The following CSRP1 variants were observed in gnomAD, a reference collection of about 807,000 sequenced individuals.
CSRP1 encodes cysteine and glycine rich protein 1.
Under a neutral mutation model 25.4 loss-of-function variants are expected in CSRP1, and 16 were observed. The observed-to-expected ratio is 0.63, with a 90% CI of 0.43 to 0.96. The LOEUF is 0.96. Ranked by LOEUF, CSRP1 falls within the 40% of genes least tolerant of loss-of-function variation. CSRP1 has a pLI of 0.00. For missense variants in CSRP1, 212 were observed against 243.6 expected, an observed-to-expected ratio of 0.87 and a Z score of 0.86; for synonymous variants, 97 against 95.3, an observed-to-expected ratio of 1.02 and a Z score of -0.10.
At chr1:201,493,668 G>A (rs187487732) in intron 2 of CSRP1, among the ~76,000 whole-genome samples, 21 of 152,322 alleles carry the variant, frequency 1.4e-4, no homozygotes, top group Admixed American at 3.9e-4. Flanking sequence ...AGTAGAATCT[G>A]GAGCCAAGAA....
At chr1:201,502,974 AAT>A (rs1429094151) in intron 1 of CSRP1, among the ~76,000 whole-genome samples, 1 of 80,656 alleles carries the variant, frequency 1.2e-5, no homozygotes, top group Non-Finnish European at 3.1e-5. Flanking sequence ...ATCTCTACTA[AAT>A]ATACAAAAAA....
intron 2 of CSRP1, chr1:201,492,981 C>T (rs1353254685): frequency 1.3e-5 from 2 of 152,390 alleles, no homozygotes; most frequent in Non-Finnish European, 2.9e-5. Flanking sequence ...CCTGTGGGGC[C>T]CTGTTCCATC....
chr1:201,488,660 T>G (rs945688138), intron 4 of CSRP1, 195 bp downstream of exon 4: 18 of 519,514 alleles, frequency 3.5e-5, no homozygotes, highest in African/African-American at 3.5e-4. Context: ...GGGATGTTAC[T>G]GCTCATGGCT....
intron 1 of CSRP1, among the ~76,000 whole-genome samples, chr1:201,499,137 G>A (rs1664592660): frequency 6.6e-6 from 1 of 152,188 alleles, no homozygotes. Context: ...TCTGTACTGA[G>A]GACTGCTAGC....
In CSRP1 at chr1:201,485,303, T is replaced by G; in HGVS notation, c.485A>C (p.Asp162Ala). ...GLESTTLADK[D>A]GEIYCKGCYA... ...CCCACCTTTGCAGTAAATCTCGCCA[T>G]CCTTGTCTGCCAGGGTGGTTGACTC... Residue 162 changes from aspartate to alanine, a missense_variant, in exon 5 of 6, where the codon GAT (aspartate) becomes GCT (alanine). Coordinates refer to ENST00000340006, the MANE Select transcript of CSRP1 (RefSeq NM_004078.3). The G allele has an allele frequency of 6.2e-7, 1 of 1,614,180 alleles. No homozygotes were observed. The highest frequency in any genetic ancestry group is 8.5e-7 in the Non-Finnish European group (1 of 1,180,008).
chr1:201,484,464 C>T lies in CSRP1; in HGVS notation c.*249G>A, dbSNP rs1664068174. On this transcript the variant is annotated 3_prime_UTR_variant, in exon 6 of 6. Transcript: ENST00000340006. ...AGGTGTGGGGAGAGGGGCCTGCTCT[C>T]ACCTAGACCCAAAACACTGAGGTCT... The T allele has an allele frequency of 3.5e-6, 2 of 572,352 alleles. No individual in the cohort carries two copies. The highest frequency in any genetic ancestry group is 6.2e-6 in the Non-Finnish European group (2 of 320,810). 35.5% of individuals were successfully genotyped at this position (572,352 alleles called of 1,614,324 possible).
At chr1:201,489,203 C>T (rs1234810754) in intron 3 of CSRP1, 7 of 464,762 alleles carry the variant, frequency 1.5e-5, no homozygotes, top group African/African-American at 3.9e-5. Context: ...ATCATACTTC[C>T]CTCGGTCACC....
At chr1:201,500,195 C>A (rs553239081) in intron 1 of CSRP1, among the ~76,000 whole-genome samples, 1 of 152,222 alleles carries the variant, frequency 6.6e-6, no homozygotes, top group Non-Finnish European at 1.5e-5. Flanking sequence ...CCTTTTCCAA[C>A]CCCCTGAACC....
intron 3 of CSRP1, 157 bp downstream of exon 3, chr1:201,490,018 GC>G: frequency 1.5e-6 from 1 of 682,922 alleles, no homozygotes. Context: ...TCCTGCAGCA[GC>G]CTGACACATA....
intron 4 of CSRP1, chr1:201,488,366 T>G (rs1311490614): frequency 6.5e-6 from 1 of 152,718 alleles, no homozygotes; most frequent in African/African-American, 2.4e-5. Flanking sequence ...GTCTGAACCT[T>G]GAAAATCTCT....
chr1:201,498,282 T>C (rs1479494531), intron 1 of CSRP1, among the ~76,000 whole-genome samples: 1 of 152,186 alleles, frequency 6.6e-6, no homozygotes, highest in Non-Finnish European at 1.5e-5. Context: ...TTCCAGCTCT[T>C]TCAACAGAAG....
At chr1:201,500,426 C>T (rs533576558) in intron 1 of CSRP1, among the ~76,000 whole-genome samples, 13 of 152,362 alleles carry the variant, frequency 8.5e-5, no homozygotes, top group African/African-American at 2.6e-4. Flanking sequence ...AGAACATGGG[C>T]GGAGAAATGG....
At chr1:201,496,118 A>T (rs1557974756) in intron 2 of CSRP1, 74 bp downstream of exon 2, 1 of 1,157,582 alleles carries the variant, frequency 8.6e-7, no homozygotes, top group Non-Finnish European at 1.3e-6. Context: ...TGGGGTGTTG[A>T]CAGGCCCAGC....
At chr1:201,492,653 T>A (rs1033721923) in intron 2 of CSRP1, 1 of 151,606 alleles carries the variant, frequency 6.6e-6, no homozygotes, top group African/African-American at 2.4e-5. Flanking sequence ...AGGGGAGAGG[T>A]CAGAGCCCCC....
intron 2 of CSRP1, 82 bp downstream of exon 2, chr1:201,496,110 G>T: frequency 9.9e-7 from 1 of 1,007,668 alleles, no homozygotes; most frequent in Non-Finnish European, 1.6e-6. Context: ...CAGTTCCCTG[G>T]GGTGTTGACA....
chr1:201,489,020 ACT>A, intron 3 of CSRP1, 36 bp from the exon 4 acceptor site: 5 of 1,611,126 alleles, frequency 3.1e-6, no homozygotes, highest in Non-Finnish European at 4.2e-6. Flanking sequence ...GGTGACTTAC[ACT>A]GTAAGTACAG....
At chr1:201,486,312 G>T in intron 4 of CSRP1, 1 of 979,570 alleles carries the variant, frequency 1.0e-6, no homozygotes, top group Non-Finnish European at 1.2e-6. Context: ...CAACAGCTGG[G>T]CAGGCTAAGA....
At chr1:201,485,558 A>G in intron 4 of CSRP1, 182 bp from the exon 5 acceptor site, 1 of 591,020 alleles carries the variant, frequency 1.7e-6, no homozygotes, top group Non-Finnish European at 3.0e-6. Flanking sequence ...AAGGCCAGGG[A>G]CCACACGCCA....
In CSRP1 at chr1:201,483,975, G is replaced by A. The variant is rs905627479; in HGVS notation, c.*738C>T. On this transcript the variant is annotated 3_prime_UTR_variant, in exon 6 of 6. Coordinates refer to ENST00000340006, the MANE Select transcript of CSRP1 (RefSeq NM_004078.3). ...GAGCCATTGATAAATGCCAATATATGTTTCAGGTATTTCATTAGGATCCTC... is the reference window on the plus strand; with the variant it reads ...GAGCCATTGATAAATGCCAATATATATTTCAGGTATTTCATTAGGATCCTC... 2 of 691,986 alleles carry A rather than the reference G, an allele frequency of 2.9e-6. No homozygotes were observed. The highest frequency in any genetic ancestry group is 4.6e-4 in the Middle Eastern group (2 of 4,348). The allele number at this position is 691,986 out of a possible 1,614,324, so 42.9% of individuals were successfully genotyped here. A position where few individuals can be genotyped will look rare whatever the true frequency, so the allele number is the denominator to read the frequency against.
Sources: gnomAD v4.1 joint callset for allele counts (sites outside exome capture counted in the v4.1 genomes callset) on GRCh38, gnomAD v4.1.1 for gene constraint, MANE v1.5 for transcripts, NCBI Gene and HGNC (gene_info 2026-07-23, HGNC 2026-07-21) for gene names.